TPCN2: variants seen among roughly 807,000 people sequenced by gnomAD.
TPCN2 encodes two pore segment channel 2, also known as two pore channel protein 2.
Under a neutral mutation model 111.4 loss-of-function variants are expected in TPCN2, and 92 were observed. The observed-to-expected ratio is 0.83, with a 90% CI of 0.70 to 0.98. TPCN2 has a LOEUF of 0.98. Ranked by LOEUF, TPCN2 falls within the 50% of genes least tolerant of loss-of-function variation. TPCN2 has a pLI of 0.00. For synonymous variants in TPCN2, 405 were observed against 414.5 expected (o/e 0.98, Z 0.28); for missense variants, 995 against 980.1 (o/e 1.02, Z -0.20).
intron 7 of TPCN2, among the ~76,000 whole-genome samples, chr11:69,064,886 T>C (rs1855195479): frequency 6.6e-6 from 1 of 152,006 alleles, no homozygotes; most frequent in Non-Finnish European, 1.5e-5. Flanking sequence ...TGCGTGTTTG[T>C]ATGTGTGCAT....
chr11:69,089,141 G>C lies in TPCN2; in HGVS notation c.*1188G>C, dbSNP rs547423709. 1.3e-5 allele frequency: 2 copies of C among 152,368 alleles called. No individual in the cohort carries two copies. The highest frequency in any genetic ancestry group is 2.4e-5 in the African/African-American group (1 of 41,470). The allele number at this position is 152,368 out of a possible 1,614,324, so 9.4% of individuals were successfully genotyped here. A position where few individuals can be genotyped will look rare whatever the true frequency, so the allele number is the denominator to read the frequency against. ...CACGCCATAGCCCCTGTGGGATGGT[G>C]GGGGAGGGGGCGACCCGAACAACAG... On this transcript the variant is annotated 3_prime_UTR_variant, in exon 25 of 25. Coordinates refer to ENST00000294309, the MANE Select transcript of TPCN2 (RefSeq NM_139075.4).
intron 24 of TPCN2, 126 bp from the exon 25 acceptor site, chr11:69,087,749 G>A (rs772084900): frequency 2.5e-5 from 17 of 670,792 alleles, no homozygotes; most frequent in Non-Finnish European, 3.9e-5. Flanking sequence ...CTGAGTCCCC[G>A]TGTCTCTGTG....
chr11:69,065,305 C>T (rs950905662), intron 7 of TPCN2, among the ~76,000 whole-genome samples: 2 of 152,170 alleles, frequency 1.3e-5, no homozygotes, highest in Admixed American at 6.5e-5. Context: ...AGGTGGATGG[C>T]GTCAGTGTGG....
chr11:69,077,200 C>CCTCCTG (rs1565091701), intron 13 of TPCN2, among the ~76,000 whole-genome samples: 7 of 132,874 alleles, frequency 5.3e-5, no homozygotes, highest in East Asian at 2.4e-4. Context: ...GCCCTCCTGC[C>CCTCCTG]ATGTCCCTCC....
chr11:69,061,339 C>A (rs1253978337), intron 5 of TPCN2, among the ~76,000 whole-genome samples: 1 of 152,160 alleles, frequency 6.6e-6, no homozygotes, highest in African/African-American at 2.4e-5. Context: ...TTCCGTGGAC[C>A]CCGGAGGCCA....
intron 8 of TPCN2, among the ~76,000 whole-genome samples, chr11:69,069,387 G>T (rs1234651871): frequency 2.8e-5 from 1 of 35,428 alleles, no homozygotes; most frequent in Non-Finnish European, 8.2e-5. Flanking sequence ...CCTAGGAAGT[G>T]ACCGCAGTGG....
At chr11:69,086,484 C>A in intron 22 of TPCN2, 39 bp from the exon 23 acceptor site, 1 of 1,575,030 alleles carries the variant, frequency 6.3e-7, no homozygotes, top group East Asian at 2.2e-5. Context: ...TCTTGCTTTG[C>A]TCATCGTGGT....
intron 9 of TPCN2, 93 bp from the exon 10 acceptor site, chr11:69,071,263 C>T: frequency 1.0e-6 from 1 of 965,874 alleles, no homozygotes; most frequent in Non-Finnish European, 1.6e-6. Context: ...TAGGGGACGC[C>T]CCCGGCGCTG....
chr11:69,084,925 C>T (rs1856207600), intron 19 of TPCN2: 1 of 595,998 alleles, frequency 1.7e-6, no homozygotes, highest in African/African-American at 2.0e-5. Flanking sequence ...TGGCGGGCAG[C>T]CTGTCCCCTA....
chr11:69,079,952 T>A (rs1457088654), intron 17 of TPCN2, 69 bp downstream of exon 17: 9 of 1,479,802 alleles, frequency 6.1e-6, no homozygotes, highest in Non-Finnish European at 8.5e-6. Flanking sequence ...CCTGGGAGGG[T>A]CTCAGTGGTG....
chr11:69,088,046 C>T lies in TPCN2; in HGVS notation c.*93C>T, dbSNP rs1453186284. 8 of 1,153,156 alleles carry T rather than the reference C, an allele frequency of 6.9e-6. No homozygotes were observed. The highest frequency in any genetic ancestry group is 3.7e-6 in the Non-Finnish European group (3 of 817,608). The allele number at this position is 1,153,156 out of a possible 1,614,324, so 71.4% of individuals were successfully genotyped here. On this transcript the variant is annotated 3_prime_UTR_variant, in exon 25 of 25. Transcript: ENST00000294309. ...GAAGAGGCGGCCATGCTGTGGCCAG[C>T]CAGGCAGGAAGAGACCTTTCCTCTG...
In TPCN2 at chr11:69,085,879, T is replaced by C; in HGVS notation, c.1952T>C (p.Val651Ala). Reference sequence around the variant, plus strand: ...CTGGTCACTCTGTGGAACTTGATGGTGGTGAACAACTGGCAGGTGTTTCTG... The same window carrying C: ...CTGGTCACTCTGTGGAACTTGATGGCGGTGAACAACTGGCAGGTGTTTCTG... The part of the protein sequence containing the change: ...AALVTLWNLM[V>A]VNNWQVFLDA... The change falls in exon 22 of 25, where the codon GTG (valine) becomes GCG (alanine). Residue 651 changes from valine to alanine, a missense_variant. Physicochemically the swap from Val to Ala is moderately conservative, Grantham distance 64. Coordinates refer to ENST00000294309, the MANE Select transcript of TPCN2 (RefSeq NM_139075.4). 6.2e-7 allele frequency: 1 copy of C among 1,614,166 alleles called. No homozygotes were observed.
At chr11:69,061,768 G>A (rs1380560886) in intron 5 of TPCN2, among the ~76,000 whole-genome samples, 3 of 152,142 alleles carry the variant, frequency 2.0e-5, no homozygotes, top group Non-Finnish European at 4.4e-5. Flanking sequence ...GATGGAAGCT[G>A]TGAGAACACT....
rs201853135 is a variant in TPCN2 at position 69,055,282 on chromosome 11, C to T, written c.359C>T (p.Pro120Leu). The change falls in exon 4 of 25, where the codon CCG becomes CTG. Residue 120 changes from proline (P) to leucine (L), a missense_variant. Transcript: ENST00000294309. ...CGCTACCGCGCTGCTCCCTGGGAGC[C>T]GCCCTGCGGCCTGACCGAGAGTGTC... ...DVRYRAAPWE[P>L]PCGLTESVEV... 4.4e-4 allele frequency: 717 copies of T among 1,614,026 alleles called. 2 individuals are homozygous for T. The highest frequency in any genetic ancestry group is 4.5e-5 in the East Asian group (2 of 44,888).
At chr11:69,061,756 A>G (rs1855030479) in intron 5 of TPCN2, among the ~76,000 whole-genome samples, 1 of 152,068 alleles carries the variant, frequency 6.6e-6, no homozygotes, top group African/African-American at 2.4e-5. Flanking sequence ...GAAACGTGGC[A>G]TGATGGAAGC....
intron 5 of TPCN2, among the ~76,000 whole-genome samples, chr11:69,057,959 C>G (rs1854848147): frequency 6.6e-6 from 1 of 152,234 alleles, no homozygotes; most frequent in Admixed American, 6.5e-5. Flanking sequence ...GAGTGAGCTC[C>G]AAGACTTCTG....
At chr11:69,071,810 C>CA in intron 10 of TPCN2, 113 bp from the exon 11 acceptor site, 1 of 964,126 alleles carries the variant, frequency 1.0e-6, no homozygotes, top group Non-Finnish European at 1.6e-6. Flanking sequence ...AACTGGGCCC[C>CA]CCCCCAAGGC....
At chr11:69,059,488 G>A (rs960858804) in intron 5 of TPCN2, among the ~76,000 whole-genome samples, 1 of 152,180 alleles carries the variant, frequency 6.6e-6, no homozygotes, top group Non-Finnish European at 1.5e-5. Context: ...GTCCCAGTGG[G>A]TCCTGGCTGG....
At chr11:69,081,591 C>T (rs950429144) in intron 18 of TPCN2, 92 bp downstream of exon 18, 3 of 951,370 alleles carry the variant, frequency 3.2e-6, no homozygotes, top group South Asian at 1.6e-5. Flanking sequence ...AGGAAGGGCC[C>T]GAGGACTGTG....
Sources: allele counts gnomAD v4.1 joint callset (sites outside exome capture counted in the v4.1 genomes callset), GRCh38; gene constraint gnomAD v4.1.1; transcripts MANE v1.5; gene names NCBI Gene and HGNC (gene_info 2026-07-23, HGNC 2026-07-21).